The following SORCS1 variants were observed in gnomAD, a reference collection of about 807,000 sequenced individuals.
SORCS1 encodes VPS10 domain-containing receptor SorCS1.
Under a neutral mutation model 146.1 loss-of-function variants are expected in SORCS1, and 60 were observed. The observed-to-expected ratio is 0.41, with a 90% CI of 0.33 to 0.51. SORCS1 has a LOEUF of 0.51. SORCS1 is among the 20% of genes least tolerant of loss of function. SORCS1 has a pLI of 0.21. For synonymous variants in SORCS1, 637 were observed against 584.0 expected (o/e 1.09, Z -1.31); for missense variants, 1,352 against 1,487.6 (o/e 0.91, Z 1.50).
chr10:106,731,600 T>C (rs1050380026), intron 5 of SORCS1, among the ~76,000 whole-genome samples: 2 of 152,182 alleles, frequency 1.3e-5, no homozygotes, highest in Non-Finnish European at 2.9e-5. Context: ...GAAAGGCTTT[T>C]CCTCCGATCA....
chr10:107,006,379 G>T (rs554746924), intron 1 of SORCS1, among the ~76,000 whole-genome samples: 3 of 152,172 alleles, frequency 2.0e-5, no homozygotes, highest in Non-Finnish European at 4.4e-5. Flanking sequence ...AGCAACAAGA[G>T]AATAAATAGA....
intron 19 of SORCS1, among the ~76,000 whole-genome samples, chr10:106,624,138 T>A (rs141701980): frequency 6.6e-6 from 1 of 152,112 alleles, no homozygotes; most frequent in East Asian, 1.9e-4. Context: ...TTTGAAAGTG[T>A]GATGATGGAA....
At chr10:106,849,940 C>A (rs112902483) in intron 2 of SORCS1, among the ~76,000 whole-genome samples, 14 of 152,044 alleles carry the variant, frequency 9.2e-5, no homozygotes, top group Admixed American at 2.0e-4. Flanking sequence ...GCAGTCTGCC[C>A]GTTCTCAGAT....
At chr10:107,100,581 T>C (rs1964855569) in intron 1 of SORCS1, among the ~76,000 whole-genome samples, 1 of 151,656 alleles carries the variant, frequency 6.6e-6, no homozygotes, top group African/African-American at 2.4e-5. Flanking sequence ...CTATCTTGTA[T>C]CTAGGGACAT....
chr10:106,633,271 C>T (rs772926721), intron 18 of SORCS1, among the ~76,000 whole-genome samples: 22 of 152,136 alleles, frequency 1.4e-4, no homozygotes, highest in Non-Finnish European at 2.6e-4. Context: ...ATCAGGGTAA[C>T]TGTGATATCT....
chr10:106,656,638 G>A (rs563977494), intron 17 of SORCS1, among the ~76,000 whole-genome samples: 1 of 151,404 alleles, frequency 6.6e-6, no homozygotes, highest in Non-Finnish European at 1.5e-5. Flanking sequence ...TGTAATCTGT[G>A]ACTTTTCTAT....
chr10:106,821,205 T>C (rs1003706689), intron 3 of SORCS1, among the ~76,000 whole-genome samples: 2 of 152,246 alleles, frequency 1.3e-5, no homozygotes, highest in Admixed American at 6.5e-5. Context: ...AAACATGCAG[T>C]TTCCAGATCA....
chr10:106,720,909 T>A (rs886090516), intron 6 of SORCS1, among the ~76,000 whole-genome samples: 3 of 151,966 alleles, frequency 2.0e-5, no homozygotes, highest in Non-Finnish European at 4.4e-5. Flanking sequence ...CTATCAGGCT[T>A]TTCAATGCTG....
At chr10:106,690,431 A>G (rs1363826574) in intron 9 of SORCS1, among the ~76,000 whole-genome samples, 1 of 152,164 alleles carries the variant, frequency 6.6e-6, no homozygotes, top group Non-Finnish European at 1.5e-5. Context: ...TTCATTGCCC[A>G]TTTTCCTTCC....
chr10:107,054,485 T>C (rs942985591), intron 1 of SORCS1, among the ~76,000 whole-genome samples: 4 of 152,154 alleles, frequency 2.6e-5, no homozygotes, highest in Non-Finnish European at 4.4e-5. Context: ...GTATCACCTA[T>C]GTGACAGAAA....
intron 2 of SORCS1, among the ~76,000 whole-genome samples, chr10:106,952,554 A>T (rs1954736601): frequency 6.8e-6 from 1 of 147,482 alleles, no homozygotes; most frequent in Non-Finnish European, 1.5e-5. Flanking sequence ...ATATTATATT[A>T]TATTATATTA....
intron 3 of SORCS1, among the ~76,000 whole-genome samples, chr10:106,828,255 G>C (rs1217011219): frequency 6.6e-6 from 1 of 152,102 alleles, no homozygotes; most frequent in Non-Finnish European, 1.5e-5. Flanking sequence ...AAGTTATGCT[G>C]TTTCTACTGA....
chr10:106,592,220 T>C (rs1466252354), intron 24 of SORCS1, among the ~76,000 whole-genome samples: 2 of 152,122 alleles, frequency 1.3e-5, no homozygotes, highest in Non-Finnish European at 2.9e-5. Context: ...TAAGAAAAAC[T>C]GCATGAAAAC....
chr10:106,848,478 T>A (rs1255753281), intron 2 of SORCS1, among the ~76,000 whole-genome samples: 1 of 38,484 alleles, frequency 2.6e-5, no homozygotes, highest in Admixed American at 3.3e-4. Flanking sequence ...CCTATGTGTG[T>A]CTCTGCACGT....
chr10:106,589,233 T>A (rs1428480614), intron 24 of SORCS1, among the ~76,000 whole-genome samples: 2 of 152,210 alleles, frequency 1.3e-5, no homozygotes, highest in African/African-American at 2.4e-5. Flanking sequence ...TTAGGAGGTA[T>A]CCATCTAGTT....
At chr10:107,164,740 C>T (rs1969986088), upstream of SORCS1, among the ~76,000 whole-genome samples, 1 of 149,912 alleles carries the variant, frequency 6.7e-6, no homozygotes, top group African/African-American at 2.4e-5. The surrounding 1 kb of genome is among the most constrained non-coding windows in gnomAD (Gnocchi z 6.8). Context: ...CGAGCCGCCG[C>T]CGCGCGGGGG....
intron 5 of SORCS1, among the ~76,000 whole-genome samples, chr10:106,738,074 C>G (rs1406067957): frequency 6.6e-6 from 1 of 152,012 alleles, no homozygotes; most frequent in Non-Finnish European, 1.5e-5. Context: ...CAGTCGTTGT[C>G]TATTGATGGA....
intron 3 of SORCS1, among the ~76,000 whole-genome samples, chr10:106,802,506 T>A (rs1003200920): frequency 4.6e-5 from 7 of 151,638 alleles, no homozygotes; most frequent in African/African-American, 1.7e-4. Flanking sequence ...TAATTTTTTT[T>A]TTTTTTTTCG....
At chr10:106,918,532 G>A (rs1952554802) in intron 2 of SORCS1, among the ~76,000 whole-genome samples, 1 of 152,014 alleles carries the variant, frequency 6.6e-6, no homozygotes, top group African/African-American at 2.4e-5. Context: ...CACATACAAT[G>A]TCTCACCAAA....
Sources: gnomAD v4.1 joint callset for allele counts (sites outside exome capture counted in the v4.1 genomes callset) on GRCh38, gnomAD v4.1.1 for gene constraint, Gnocchi (gnomAD v3.1) non-coding constraint, MANE v1.5 for transcripts, NCBI Gene and HGNC (gene_info 2026-07-23, HGNC 2026-07-21) for gene names.